NLRP14: variants seen among roughly 807,000 people sequenced by gnomAD.
NLRP14 encodes the protein NLR family pyrin domain containing 14.
In NLRP14, 105 loss-of-function variants were observed where a neutral mutation model predicts 94.7. The observed-to-expected ratio is 1.11, with a 90% CI of 0.95 to 1.30. The LOEUF is 1.30. NLRP14 is among the 50% of genes most tolerant of loss of function. The pLI is 0.00. For synonymous variants in NLRP14, 508 were observed against 459.9 expected, an observed-to-expected ratio of 1.10 and a Z score of -1.34; for missense variants, 1,362 against 1,254.1, an observed-to-expected ratio of 1.09 and a Z score of -1.30.
At chr11:7,087,537 A>G in the NLRP14 span, among the ~76,000 whole-genome samples, 1,532 of 152,324 alleles carry the variant, frequency 0.01, 8 homozygotes, top group Non-Finnish European at 0.017. Context: ...AGTGATGGAA[A>G]TGTTATAGAT....
intron 1 of NLRP14, among the ~76,000 whole-genome samples, chr11:7,036,396 G>C (rs1227993342): frequency 6.6e-6 from 1 of 152,180 alleles, no homozygotes; most frequent in African/African-American, 2.4e-5. Context: ...ATATCATATA[G>C]TAGAAAGCTA....
chr11:7,088,878 A>T, the NLRP14 span: 1 of 553,058 alleles, frequency 1.8e-6, no homozygotes, highest in African/African-American at 1.9e-5. Context: ...GAAGTTAAAG[A>T]CTGAAAAGGA....
chr11:7,049,600 A>G, intron 5 of NLRP14, 71 bp from the exon 6 acceptor site: 1 of 1,076,964 alleles, frequency 9.3e-7, no homozygotes, highest in Non-Finnish European at 1.4e-6. Flanking sequence ...AATTAGATTG[A>G]AAAGAAAGGG....
At chr11:7,054,879 A>G (rs1852496766) in intron 6 of NLRP14, among the ~76,000 whole-genome samples, 1 of 152,148 alleles carries the variant, frequency 6.6e-6, no homozygotes. Context: ...ATCTTTGCCC[A>G]GTCCAATGTC....
Position 7,043,711 on chromosome 11 carries a change from A to C in NLRP14, c.1685A>C (p.Gln562Pro). The C allele has an allele frequency of 6.2e-7, 1 of 1,614,016 alleles. No individual in the cohort carries two copies. Among genetic ancestry groups the C allele is most frequent in the East Asian group, 2.2e-5 (1 of 44,882 alleles). Residue 562 changes from glutamine (Q) to proline (P), a missense_variant, in exon 4 of 12, where the codon CAG (glutamine) becomes CCG (proline). Transcript: ENST00000299481. Reference sequence around the variant, plus strand: ...CTGAAGATAAAATCAAAGTTACTTCAGTGTATGGAAGTATTAGGAAACAGT... The same window carrying C: ...CTGAAGATAAAATCAAAGTTACTTCCGTGTATGGAAGTATTAGGAAACAGT... ...MSLKIKSKLL[Q>P]CMEVLGNSDY...
chr11:7,039,128 AAGGAATTGAGTGAT>A lies in NLRP14; in HGVS notation c.289+262_289+275del, dbSNP rs60100976. ...CATCTTGTACCAGTTGAAATGATCA[AAGGAATTGAGTGAT>A]AGGAATTGTCCCATAAAGTGCCTTC... is the stretch of plus-strand genomic sequence containing the variant. On this transcript the variant is annotated intron_variant, in intron 2 of 11. Coordinates refer to ENST00000299481, the MANE Select transcript of NLRP14 (RefSeq NM_176822.4). Among the ~76,000 whole-genome samples, 22,942 of 152,036 alleles carry A rather than the reference AAGGAATTGAGTGAT, an allele frequency of 0.15. 2,145 individuals are homozygous for A. Among genetic ancestry groups the A allele is most frequent in the Non-Finnish European group, 0.21 (14,434 of 67,956 alleles).
At chr11:7,048,810 G>A (rs748479992) in intron 5 of NLRP14, among the ~76,000 whole-genome samples, 9 of 152,162 alleles carry the variant, frequency 5.9e-5, no homozygotes, top group Non-Finnish European at 1.2e-4. Flanking sequence ...TTGCATCAGT[G>A]GGATGACACC....
chr11:7,075,097 A>T (rs1445029740), downstream of NLRP14, among the ~76,000 whole-genome samples: 1 of 152,104 alleles, frequency 6.6e-6, no homozygotes, highest in Non-Finnish European at 1.5e-5. Flanking sequence ...AACTAAGGGG[A>T]GGGAGTAATG....
chr11:7,086,532 G>A, the NLRP14 span, among the ~76,000 whole-genome samples: 1 of 152,190 alleles, frequency 6.6e-6, no homozygotes, highest in Non-Finnish European at 1.5e-5. Context: ...TTGCTTAAAG[G>A]CAGAATTTAT....
intron 6 of NLRP14, among the ~76,000 whole-genome samples, chr11:7,054,019 TC>T (rs1254835306): frequency 6.6e-6 from 1 of 152,084 alleles, no homozygotes; most frequent in African/African-American, 2.4e-5. Flanking sequence ...CTCCATATTT[TC>T]ATTTTTCACT....
intron 9 of NLRP14, 142 bp downstream of exon 9, chr11:7,060,206 G>A (rs969397047): frequency 5.1e-6 from 4 of 789,892 alleles, no homozygotes; most frequent in Non-Finnish European, 8.7e-6. Flanking sequence ...CCTGAGACAA[G>A]CTGGGGAAGT....
In NLRP14 at chr11:7,043,317, G is replaced by A. The variant is rs139691301; in HGVS notation, c.1291G>A (p.Ala431Thr). 2.9e-5 allele frequency: 47 copies of A among 1,614,080 alleles called. 1 individual carries two copies. The highest frequency in any genetic ancestry group is 2.1e-4 in the South Asian group (19 of 91,086). ...CCAGCTGAGAAGACTGTGCCAAGTC[G>A]CTGCCAAAGGAATATGGACTATGAC... ...QAQLRRLCQV[A>T]AKGIWTMTYV... is the part of the protein sequence containing the mutation. The change falls in exon 4 of 12, where the codon GCT (alanine) becomes ACT (threonine). Residue 431 changes from alanine (A) to threonine (T), a missense_variant. Coordinates refer to ENST00000299481, the MANE Select transcript of NLRP14 (RefSeq NM_176822.4).
intron 1 of NLRP14, among the ~76,000 whole-genome samples, chr11:7,021,855 T>C (rs965476247): frequency 7.3e-5 from 11 of 151,392 alleles, no homozygotes; most frequent in Admixed American, 5.9e-4. Flanking sequence ...TGCAGAGACA[T>C]TGACCGGTAA....
chr11:7,067,493 G>T (rs373762069), intron 10 of NLRP14, among the ~76,000 whole-genome samples: 43 of 152,172 alleles, frequency 2.8e-4, no homozygotes, highest in African/African-American at 1.0e-3. Context: ...TCATGATTTG[G>T]CTCTTTGTCT....
intron 6 of NLRP14, among the ~76,000 whole-genome samples, chr11:7,055,260 C>T (rs1852501303): frequency 6.6e-6 from 1 of 152,096 alleles, no homozygotes; most frequent in Admixed American, 6.6e-5. Context: ...AGTGGAAATG[C>T]TCCTTCTCTT....
chr11:7,076,861 A>G, the NLRP14 span, among the ~76,000 whole-genome samples: 1 of 152,216 alleles, frequency 6.6e-6, no homozygotes, highest in Non-Finnish European at 1.5e-5. Flanking sequence ...TTCAAGAGTG[A>G]ATGAATGAAT....
chr11:7,058,184 A>T (rs1589869430), intron 7 of NLRP14, 96 bp from the exon 8 acceptor site: 6 of 967,404 alleles, frequency 6.2e-6, no homozygotes, highest in Admixed American at 1.7e-5. Context: ...TAGTTGAGGT[A>T]TGGGGGTTAT....
At chr11:7,077,227 G>T in the NLRP14 span, among the ~76,000 whole-genome samples, 2 of 152,230 alleles carry the variant, frequency 1.3e-5, no homozygotes, top group Admixed American at 1.3e-4. Flanking sequence ...TCGGCGTGGG[G>T]CGCCTGGTAG....
chr11:7,090,579 T>G, the NLRP14 span: 4 of 471,978 alleles, frequency 8.5e-6, no homozygotes, highest in Admixed American at 3.5e-5. Flanking sequence ...AGAAATTCGA[T>G]TAATGGCTTC....
Sources: gnomAD v4.1 joint callset for allele counts (sites outside exome capture counted in the v4.1 genomes callset) on GRCh38, gnomAD v4.1.1 for gene constraint, MANE v1.5 for transcripts, NCBI Gene and HGNC (gene_info 2026-07-23, HGNC 2026-07-21) for gene names.